The following CLPTM1 variants were observed in gnomAD, a reference collection of about 807,000 sequenced individuals.
CLPTM1 encodes CLPTM1 regulator of GABA type A receptor forward trafficking.
Under a neutral mutation model 77.3 loss-of-function variants are expected in CLPTM1, and 21 were observed. The observed-to-expected ratio is 0.27, with a 90% confidence interval of 0.19 to 0.39. The LOEUF (loss-of-function observed/expected upper bound fraction) is 0.39. Among genes scored for constraint, CLPTM1 ranks in the 10% least tolerant of loss-of-function variants. CLPTM1 has a pLI of 1.00. For missense variants in CLPTM1, 642 were observed against 921.2 expected, an observed-to-expected ratio of 0.70 and a Z score of 3.92; for synonymous variants, 373 against 381.0, an observed-to-expected ratio of 0.98 and a Z score of 0.24.
At position 44,990,751 on chromosome 19, in the gene CLPTM1, C is replaced by A; in HGVS notation, c.1324-99C>A. The A allele has an allele frequency of 7.6e-7, 1 of 1,311,324 alleles. No homozygotes were observed. Among genetic ancestry groups the A allele is most frequent in the Non-Finnish European group, 1.1e-6 (1 of 922,570 alleles). 81.2% of individuals were successfully genotyped at this position (1,311,324 alleles called of 1,614,324 possible). A position where few individuals can be genotyped will look rare whatever the true frequency, so the allele number is the denominator to read the frequency against. On this transcript the variant is annotated intron_variant, in intron 10 of 13. Transcript: ENST00000337392. This position sits in a 1 kb window ranked among gnomAD's most constrained non-coding sequence, Gnocchi z 4.8. ...GGGATTTTTTGGGTCACACATGGGG[C>A]AGGGGAACTGGGAACGGTGGGGAAG... is the stretch of plus-strand genomic sequence containing the variant.
At chr19:44,982,417 C>T (rs563778592) in intron 5 of CLPTM1, among the ~76,000 whole-genome samples, 1 of 152,050 alleles carries the variant, frequency 6.6e-6, no homozygotes, top group South Asian at 2.1e-4. Context: ...GCCATATTTG[C>T]AGTGCCCAGT....
At chr19:44,960,572 G>A (rs753005814) in intron 1 of CLPTM1, among the ~76,000 whole-genome samples, 20 of 152,212 alleles carry the variant, frequency 1.3e-4, no homozygotes, top group Non-Finnish European at 5.9e-5. Flanking sequence ...AGCTCTTGCT[G>A]GTGAAGGGGA....
chr19:44,974,594 A>G lies in CLPTM1; in HGVS notation c.465A>G (p.Pro155=), dbSNP rs1297192679. 1 of 1,613,428 alleles carries G rather than the reference A, an allele frequency of 6.2e-7. No individual in the cohort carries two copies. The highest frequency in any genetic ancestry group is 8.5e-7 in the Non-Finnish European group (1 of 1,179,576). Residue 155 remains proline (P), a synonymous_variant, in exon 4 of 14, where the codon CCA becomes CCG. Coordinates refer to ENST00000337392, the MANE Select transcript of CLPTM1 (RefSeq NM_001294.4). ...AGCACTTTGCTGAGCTCGATATCCC[A>G]CAGGTGGGGGCAGCTCTCGGTTTCT... ...CYEHFAELDI[P]QSVQQNGSIY...
At chr19:44,981,017 A>G (rs1336164130) in intron 5 of CLPTM1, among the ~76,000 whole-genome samples, 1 of 151,488 alleles carries the variant, frequency 6.6e-6, no homozygotes, top group African/African-American at 2.4e-5. Context: ...GTTTTTTTGT[A>G]TTTTTAGTAG....
intron 3 of CLPTM1, among the ~76,000 whole-genome samples, chr19:44,973,753 C>T (rs1336727687): frequency 8.6e-6 from 1 of 116,136 alleles, no homozygotes; most frequent in East Asian, 2.7e-4. Context: ...CTTGTTGGGT[C>T]ACAGTGGGTT....
intron 9 of CLPTM1, among the ~76,000 whole-genome samples, chr19:44,988,964 T>C (rs535340418): frequency 1.3e-4 from 19 of 151,998 alleles, no homozygotes; most frequent in African/African-American, 4.1e-4. Context: ...GAGGATCACC[T>C]AAGCCCCGGA....
At chr19:44,955,041 G>C (rs1453959296), upstream of CLPTM1, 1 of 1,535,556 alleles carries the variant, frequency 6.5e-7, no homozygotes, top group South Asian at 1.2e-5. Context: ...GAATCGGCAG[G>C]GAGAAGCGGA....
At chr19:44,985,968 G>A (rs1023774870) in intron 6 of CLPTM1, among the ~76,000 whole-genome samples, 8 of 152,064 alleles carry the variant, frequency 5.3e-5, no homozygotes, top group African/African-American at 1.9e-4. Context: ...GGATCCTGTC[G>A]GTGGCCGGAA....
At chr19:44,955,222 C>T, upstream of CLPTM1, 1 of 1,516,966 alleles carries the variant, frequency 6.6e-7, no homozygotes, top group South Asian at 1.2e-5. Flanking sequence ...AGTACGGTGG[C>T]CAGGTTGGTC....
intron 1 of CLPTM1, 154 bp downstream of exon 1, chr19:44,955,621 G>C (rs1015221327): frequency 2.8e-6 from 2 of 709,470 alleles, no homozygotes; most frequent in Non-Finnish European, 3.9e-6. Flanking sequence ...CGGACCGCCC[G>C]GGAGGCCGGA....
At chr19:44,963,305 ATTTTT>A (rs1407885248) in intron 2 of CLPTM1, among the ~76,000 whole-genome samples, 1 of 144,658 alleles carries the variant, frequency 6.9e-6, no homozygotes, top group African/African-American at 2.6e-5. Flanking sequence ...AGCCTTGGAA[ATTTTT>A]TTATTTTTAT....
rs879828368 is a variant in CLPTM1, at chr19:44,990,284, C to G, written c.1133-111C>G. The G allele has an allele frequency of 1.8e-6, 2 of 1,129,992 alleles. No individual in the cohort carries two copies. Among genetic ancestry groups the G allele is most frequent in the Non-Finnish European group, 2.6e-6 (2 of 780,942 alleles). 70.0% of individuals were successfully genotyped at this position (1,129,992 alleles called of 1,614,324 possible). A position where few individuals can be genotyped will look rare whatever the true frequency, so the allele number is the denominator to read the frequency against. On this transcript the variant is annotated intron_variant, in intron 9 of 13. Coordinates refer to ENST00000337392, the MANE Select transcript of CLPTM1 (RefSeq NM_001294.4). This position sits in a 1 kb window ranked among gnomAD's most constrained non-coding sequence, Gnocchi z 4.8. Reference sequence around the variant, plus strand: ...TCTCGTTCAGCACCCCTCCTGAGGACCCAGCCCCACCCCAGGGTGTGAGGA... The same window carrying G: ...TCTCGTTCAGCACCCCTCCTGAGGAGCCAGCCCCACCCCAGGGTGTGAGGA...
At position 44,992,193 on chromosome 19, in the gene CLPTM1, G is replaced by A; in HGVS notation, c.1556-40G>A. ...GTGCAGAGTGCACAGGGGAGAGGTG[G>A]GAGAGGCCATCCCTCTGCTCATGGG... On this transcript the variant is annotated intron_variant, in intron 12 of 13. Transcript: ENST00000337392. This position sits in a 1 kb window ranked among gnomAD's most constrained non-coding sequence, Gnocchi z 7.7. 1 of 1,609,754 alleles carries A rather than the reference G, an allele frequency of 6.2e-7. No homozygotes were observed.
intron 9 of CLPTM1, among the ~76,000 whole-genome samples, chr19:44,989,409 C>T (rs1340591736): frequency 6.6e-6 from 1 of 152,080 alleles, no homozygotes; most frequent in Non-Finnish European, 1.5e-5. Flanking sequence ...GCTGTGTGGC[C>T]TCCCTGGTCT....
rs752373690 is a variant in CLPTM1 at position 44,990,846 on chromosome 19, A to G, written c.1324-4A>G. 14 of 1,612,724 alleles carry G rather than the reference A, an allele frequency of 8.7e-6. No individual in the cohort carries two copies. The East Asian group carries it at 3.1e-4, about 36-fold the overall frequency. ...ACTGACCATGGCACCCACCTCATCC[A>G]CAGCTGGACCGAGAGCACAGGGTGG... On this transcript the variant is annotated splice_polypyrimidine_tract_variant and splice_region_variant and intron_variant, in intron 10 of 13. Coordinates refer to ENST00000337392, the MANE Select transcript of CLPTM1 (RefSeq NM_001294.4). This position sits in a 1 kb window ranked among gnomAD's most constrained non-coding sequence, Gnocchi z 4.8.
intron 1 of CLPTM1, 95 bp downstream of exon 1, chr19:44,955,562 T>TG: frequency 3.7e-5 from 38 of 1,031,742 alleles, no homozygotes; most frequent in Non-Finnish European, 4.6e-5. Context: ...TCCCGTGCAC[T>TG]GGGGGCTCCT....
At chr19:44,989,498 CAG>C (rs894264523) in intron 9 of CLPTM1, among the ~76,000 whole-genome samples, 7 of 149,382 alleles carry the variant, frequency 4.7e-5, no homozygotes, top group African/African-American at 1.7e-4. Flanking sequence ...TCAGTTGGGA[CAG>C]GGGTCATTCT....
rs112241740 is a variant in CLPTM1 at position 44,968,158 on chromosome 19, T to G, written c.186-4929T>G. 2.1e-3 allele frequency among the ~76,000 whole-genome samples: 315 copies of G among 152,302 alleles called. 1 individual carries two copies. The highest frequency in any genetic ancestry group is 3.4e-3 in the Middle Eastern group (1 of 294). ...AAGTCACACTGTAGGCTAATTTCCT[T>G]TCTTAGAACTAGGCAGCATCAAACA... is the stretch of plus-strand genomic sequence containing the variant. On this transcript the variant is annotated intron_variant, in intron 2 of 13. Transcript: ENST00000337392.
At chr19:44,973,398 C>T (rs1600025686) in intron 3 of CLPTM1, among the ~76,000 whole-genome samples, 188 bp downstream of exon 3, 1 of 152,308 alleles carries the variant, frequency 6.6e-6, no homozygotes, top group African/African-American at 2.4e-5. Flanking sequence ...CTGGGTCCAT[C>T]CCCAGCACAT....
Sources: gnomAD v4.1 joint callset for allele counts (sites outside exome capture counted in the v4.1 genomes callset) on GRCh38, gnomAD v4.1.1 for gene constraint, Gnocchi (gnomAD v3.1) non-coding constraint, MANE v1.5 for transcripts, NCBI Gene and HGNC (gene_info 2026-07-23, HGNC 2026-07-21) for gene names.